The following MCPH1 variants were observed in gnomAD, a reference collection of about 807,000 sequenced individuals.
MCPH1 encodes microcephalin.
A neutral mutation model predicts 84.5 loss-of-function variants in MCPH1; 104 were observed. That is an observed-to-expected ratio of 1.23 (90% CI 1.05 to 1.45). MCPH1 has a LOEUF of 1.45. Among genes scored for constraint, MCPH1 ranks in the 40% most tolerant of loss-of-function variants. The pLI, the probability that MCPH1 is intolerant of heterozygous loss-of-function variation, is 0.00. For synonymous variants in MCPH1, 514 were observed against 366.8 expected, an observed-to-expected ratio of 1.40 and a Z score of -4.58; for missense variants, 1,498 against 1,005.7, an observed-to-expected ratio of 1.49 and a Z score of -6.62.
intron 12 of MCPH1, among the ~76,000 whole-genome samples, chr8:6,600,312 T>C (rs2442566): frequency 0.95 from 144,038 of 152,332 alleles, 68,630 homozygotes; most frequent in East Asian, 1. Context: ...CCAGCAGGGA[T>C]GCCAGACCTT....
intron 9 of MCPH1, among the ~76,000 whole-genome samples, chr8:6,462,048 T>C (rs1357184781): frequency 6.6e-6 from 1 of 152,234 alleles, no homozygotes; most frequent in East Asian, 1.9e-4. Flanking sequence ...TCCAGCTTGT[T>C]GCATGTGAAG....
chr8:6,419,336 C>T (rs1055110253), intron 3 of MCPH1, among the ~76,000 whole-genome samples: 1 of 152,102 alleles, frequency 6.6e-6, no homozygotes, highest in South Asian at 2.1e-4. Context: ...CCTCTCACCC[C>T]AGCCCTCCCT....
chr8:6,590,649 A>G (rs984000830), intron 12 of MCPH1, among the ~76,000 whole-genome samples: 1 of 152,262 alleles, frequency 6.6e-6, no homozygotes, highest in African/African-American at 2.4e-5. Context: ...CTTAAGAAAA[A>G]CATAAAGGAA....
At chr8:6,568,557 C>A (rs1406244365) in intron 12 of MCPH1, among the ~76,000 whole-genome samples, 1 of 152,192 alleles carries the variant, frequency 6.6e-6, no homozygotes, top group African/African-American at 2.4e-5. Context: ...CTGACCCAGG[C>A]CCGGGGTCGT....
chr8:6,410,137 T>C (rs1798334418), intron 2 of MCPH1, among the ~76,000 whole-genome samples: 1 of 146,696 alleles, frequency 6.8e-6, no homozygotes, highest in South Asian at 2.2e-4. Flanking sequence ...GCCTAGCTAA[T>C]TTTTTTTTTT....
intron 4 of MCPH1, among the ~76,000 whole-genome samples, chr8:6,434,265 G>A (rs1429648123): frequency 1.3e-5 from 2 of 152,162 alleles, no homozygotes; most frequent in South Asian, 2.1e-4. Flanking sequence ...ACCAGGAAGC[G>A]CAAGATGGAG....
intron 13 of MCPH1, among the ~76,000 whole-genome samples, chr8:6,623,038 A>AGAT (rs1251429875): frequency 1.1e-4 from 12 of 111,920 alleles, no homozygotes; most frequent in Non-Finnish European, 2.1e-4. Flanking sequence ...TTTTTTGTAG[A>AGAT]GATGGGGTCT....
intron 9 of MCPH1, among the ~76,000 whole-genome samples, chr8:6,460,508 G>A (rs987031528): frequency 6.6e-6 from 1 of 151,878 alleles, no homozygotes; most frequent in African/African-American, 2.4e-5. Flanking sequence ...GAGCCTTCAT[G>A]CCCTCTATTT....
rs575824036 is a variant in MCPH1, at chr8:6,499,900, G to T, written c.2185G>T (p.Glu729Ter). ...TCACTGGATTTCTGAGGAGCCGTTC[G>T]AACTGTCTCACCACTTCCCTGCAGC... ...LGHWISEEPF[E>*]LSHHFPAAPL... Residue 729 changes from glutamate (E) to a stop codon, truncating the protein, a stop_gained, in exon 12 of 14, where the codon GAA (glutamate) becomes TAA (stop). Coordinates refer to ENST00000344683, the MANE Select transcript of MCPH1 (RefSeq NM_024596.5). LOFTEE classifies it high-confidence loss of function. 6.2e-7 allele frequency: 1 copy of T among 1,613,636 alleles called. No homozygotes were observed.
chr8:6,445,555 A>T lies in MCPH1; in HGVS notation c.1825+8A>T. 6.4e-7 allele frequency: 1 copy of T among 1,570,330 alleles called. No individual in the cohort carries two copies. The highest frequency in any genetic ancestry group is 8.6e-7 in the Non-Finnish European group (1 of 1,161,566). ...CCGGAGGATACAGTGGAAGTATGTGAATCTCCTTTTCCAAGTCACCTTCGC... is the reference window on the plus strand; with the variant it reads ...CCGGAGGATACAGTGGAAGTATGTGTATCTCCTTTTCCAAGTCACCTTCGC... On this transcript the variant is annotated splice_region_variant and intron_variant, in intron 8 of 13. Coordinates refer to ENST00000344683, the MANE Select transcript of MCPH1 (RefSeq NM_024596.5).
chr8:6,473,648 A>G (rs1277089984), intron 9 of MCPH1, among the ~76,000 whole-genome samples: 1 of 152,168 alleles, frequency 6.6e-6, no homozygotes, highest in Non-Finnish European at 1.5e-5. Flanking sequence ...ATCCTTAACA[A>G]TGCTATATTT....
chr8:6,427,263 G>A (rs915616019), intron 3 of MCPH1, among the ~76,000 whole-genome samples: 1 of 152,180 alleles, frequency 6.6e-6, no homozygotes, highest in Non-Finnish European at 1.5e-5. Context: ...AGTGGTGAGC[G>A]AATGTGAAGG....
At position 6,444,455 on chromosome 8, in the gene MCPH1, G is replaced by T. The variant is rs1803966174; in HGVS notation, c.733G>T (p.Gly245Ter). ...FDDLCGNSGC[G>*]NQERKLEGSI... ...TGATCTTTGTGGAAACTCAGGATGT[G>T]GAAATCAGGAAAGGAAGTTGGAAGG... The change falls in exon 8 of 14, where the codon GGA becomes TGA. Residue 245 changes from glycine to a stop codon, truncating the protein, a stop_gained. Coordinates refer to ENST00000344683, the MANE Select transcript of MCPH1 (RefSeq NM_024596.5). LOFTEE classifies it high-confidence loss of function. 1 of 1,614,126 alleles carries T rather than the reference G, an allele frequency of 6.2e-7. No individual in the cohort carries two copies. The highest frequency in any genetic ancestry group is 1.1e-5 in the South Asian group (1 of 91,080).
intron 6 of MCPH1, 147 bp from the exon 7 acceptor site, chr8:6,441,920 G>C (rs1803572534): frequency 1.5e-6 from 1 of 650,130 alleles, no homozygotes; most frequent in African/African-American, 1.8e-5. Context: ...ATTAGATTCA[G>C]GCAAGTTGAC....
intron 12 of MCPH1, among the ~76,000 whole-genome samples, chr8:6,529,457 T>C (rs559637561): frequency 8.0e-4 from 120 of 150,748 alleles, no homozygotes; most frequent in Admixed American, 3.0e-3. Flanking sequence ...ATTTTTCTTT[T>C]TTTTTTTTTT....
At chr8:6,409,550 A>G (rs551768570) in intron 2 of MCPH1, among the ~76,000 whole-genome samples, 180 bp downstream of exon 2, 3 of 152,296 alleles carry the variant, frequency 2.0e-5, no homozygotes, top group African/African-American at 4.8e-5. Flanking sequence ...TCAGAACTCA[A>G]TGCCTGTGGG....
chr8:6,531,170 C>G (rs2129571553), intron 12 of MCPH1, among the ~76,000 whole-genome samples: 1 of 151,966 alleles, frequency 6.6e-6, no homozygotes, highest in South Asian at 2.1e-4. Context: ...TTTTCCCTTT[C>G]CCACCCAGGC....
chr8:6,532,254 A>G (rs1819661312), intron 12 of MCPH1: 3 of 1,547,250 alleles, frequency 1.9e-6, no homozygotes, highest in Non-Finnish European at 2.6e-6. Flanking sequence ...TCATGCCTTC[A>G]TTGAGGAAGC....
intron 12 of MCPH1, among the ~76,000 whole-genome samples, chr8:6,584,147 A>G (rs1165396652): frequency 6.6e-6 from 1 of 152,192 alleles, no homozygotes; most frequent in Non-Finnish European, 1.5e-5. Flanking sequence ...TCAGATTCCT[A>G]TGGTGAATTT....
Sources: allele counts gnomAD v4.1 joint callset (sites outside exome capture counted in the v4.1 genomes callset), GRCh38; gene constraint gnomAD v4.1.1; transcripts MANE v1.5; gene names NCBI Gene and HGNC (gene_info 2026-07-23, HGNC 2026-07-21).